CSMD1: variants seen among roughly 807,000 people sequenced by gnomAD.
CSMD1 encodes the protein CUB and Sushi multiple domains 1, also known as CUB and sushi domain-containing protein 1.
CSMD1 carries 213 observed loss-of-function variants against 417.5 expected under a neutral mutation model. That is an observed-to-expected ratio of 0.51 (90% CI 0.46 to 0.57). The LOEUF is 0.57. Ranked by LOEUF, CSMD1 falls within the 20% of genes least tolerant of loss-of-function variation. CSMD1 has a pLI of 0.00. For synonymous variants in CSMD1, 2,862 were observed against 1,736.8 expected, an observed-to-expected ratio of 1.65 and a Z score of -16.11; for missense variants, 6,923 against 4,529.7, an observed-to-expected ratio of 1.53 and a Z score of -15.17.
At chr8:3,887,418 G>T (rs888122294) in intron 5 of CSMD1, among the ~76,000 whole-genome samples, 3 of 152,190 alleles carry the variant, frequency 2.0e-5, no homozygotes, top group South Asian at 4.1e-4. Flanking sequence ...TGTCTGAAAT[G>T]TATGGACAAA....
chr8:3,746,348 A>C (rs2129051839), intron 6 of CSMD1, among the ~76,000 whole-genome samples: 1 of 152,340 alleles, frequency 6.6e-6, no homozygotes, highest in African/African-American at 2.4e-5. Flanking sequence ...CCAAGTATTA[A>C]TCTGTTTTAA....
chr8:4,817,131 A>G (rs1030388749), intron 1 of CSMD1, among the ~76,000 whole-genome samples: 1 of 152,226 alleles, frequency 6.6e-6, no homozygotes, highest in Admixed American at 6.5e-5. Context: ...ATATAAATAC[A>G]TATCATAATA....
At chr8:4,549,872 G>C (rs1337797161) in intron 2 of CSMD1, among the ~76,000 whole-genome samples, 3 of 114,624 alleles carry the variant, frequency 2.6e-5, no homozygotes, top group Non-Finnish European at 4.9e-5. Context: ...ACTCCAGCCA[G>C]AGTGACAATC....
At chr8:3,722,609 GA>G (rs1202680832) in intron 6 of CSMD1, among the ~76,000 whole-genome samples, 1 of 152,068 alleles carries the variant, frequency 6.6e-6, no homozygotes, top group Non-Finnish European at 1.5e-5. Flanking sequence ...ACCCTGGTGG[GA>G]AAAGTCCCCA....
In CSMD1 at chr8:4,117,323, C is replaced by T. The variant is rs183409448; in HGVS notation, c.416-85224G>A. 3.3e-3 allele frequency among the ~76,000 whole-genome samples: 503 copies of T among 151,956 alleles called. 3 individuals are homozygous for T. The highest frequency in any genetic ancestry group is 0.012 in the African/African-American group (478 of 41,468). On this transcript the variant is annotated intron_variant, in intron 3 of 69. Transcript: ENST00000635120. ...TGGTGGGATCCTCCTTATACATCAC[C>T]GTCTGCCTGTACCAACACTGTCATC...
rs1313491230 is a variant in CSMD1, at chr8:4,266,425, TTATAA to T, written c.415+153523_415+153527del. ...TTTTATGTGTAATAATGTGATTTCA[TTATAA>T]TATGTTAGGTTATATTGATGATTGG... is the stretch of plus-strand genomic sequence containing the variant. On this transcript the variant is annotated intron_variant, in intron 3 of 69. Transcript: ENST00000635120. Among the ~76,000 whole-genome samples, 4 of 105,238 alleles carry T rather than the reference TTATAA, an allele frequency of 3.8e-5. 2 individuals carry two copies. The highest frequency in any genetic ancestry group is 1.0e-4 in the Non-Finnish European group (4 of 39,112). 69.0% of individuals were successfully genotyped at this position (105,238 alleles called of 152,430 possible). A position where few individuals can be genotyped will look rare whatever the true frequency, so the allele number is the denominator to read the frequency against.
At chr8:3,225,817 C>T (rs1798469864) in intron 27 of CSMD1, among the ~76,000 whole-genome samples, 1 of 152,184 alleles carries the variant, frequency 6.6e-6, no homozygotes, top group African/African-American at 2.4e-5. Context: ...TGGTATTCTT[C>T]AAGTTAGTTT....
chr8:3,633,052 C>A (rs1313573395), intron 7 of CSMD1, among the ~76,000 whole-genome samples: 1 of 152,222 alleles, frequency 6.6e-6, no homozygotes. Context: ...GTGTTAGAGT[C>A]TGCCCTGTTG....
intron 2 of CSMD1, among the ~76,000 whole-genome samples, chr8:4,465,629 G>A (rs1800120019): frequency 6.6e-6 from 1 of 152,200 alleles, no homozygotes; most frequent in Non-Finnish European, 1.5e-5. Context: ...TAAGGCCTCA[G>A]TAGAACAAGA....
At chr8:4,112,572 G>T (rs536161028) in intron 3 of CSMD1, among the ~76,000 whole-genome samples, 2 of 152,092 alleles carry the variant, frequency 1.3e-5, no homozygotes, top group Non-Finnish European at 2.9e-5. Context: ...CCCTCTTCTG[G>T]GGAGGCTGAC....
At chr8:3,997,814 C>T in intron 5 of CSMD1, 89 bp downstream of exon 5, 2 of 1,220,746 alleles carry the variant, frequency 1.6e-6, no homozygotes, top group Non-Finnish European at 2.3e-6. Context: ...CCATGAACGT[C>T]CAGAGACAAG....
At chr8:3,848,492 A>G (rs77593353) in intron 5 of CSMD1, among the ~76,000 whole-genome samples, 3,195 of 144,912 alleles carry the variant, frequency 0.022, 117 homozygotes, top group African/African-American at 0.078. Flanking sequence ...ATCTGGATTT[A>G]TACTTTCCGA....
At chr8:4,345,961 A>G (rs1800756851) in intron 3 of CSMD1, among the ~76,000 whole-genome samples, 1 of 152,162 alleles carries the variant, frequency 6.6e-6, no homozygotes, top group Non-Finnish European at 1.5e-5. Context: ...TACGCTCTTC[A>G]TACTGACTAG....
chr8:4,368,277 G>T lies in CSMD1; in HGVS notation c.415+51676C>A, dbSNP rs568438720. The stretch of plus-strand genomic sequence containing the variant: ...TGTGGCTTTTTTGTTCTGTGTATAT[G>T]GTGAATCACATTTATTGATATGTGT... On this transcript the variant is annotated intron_variant, in intron 3 of 69. Coordinates refer to ENST00000635120, the MANE Select transcript of CSMD1 (RefSeq NM_033225.6). Among the ~76,000 whole-genome samples, 445 of 152,156 alleles carry T rather than the reference G, an allele frequency of 2.9e-3. 3 individuals are homozygous for T. Among genetic ancestry groups the T allele is most frequent in the African/African-American group, 9.8e-3 (406 of 41,542 alleles).
intron 3 of CSMD1, among the ~76,000 whole-genome samples, chr8:4,121,196 C>A (rs1330488950): frequency 6.6e-6 from 1 of 152,050 alleles, no homozygotes; most frequent in Admixed American, 6.5e-5. Context: ...CTCACAGCAA[C>A]CTCTGCCTCT....
intron 11 of CSMD1, among the ~76,000 whole-genome samples, chr8:3,474,946 T>C (rs1215293459): frequency 6.6e-6 from 1 of 152,202 alleles, no homozygotes; most frequent in South Asian, 2.1e-4. Flanking sequence ...GCCATCATAT[T>C]GTAGCTGCCT....
At chr8:4,540,828 G>A (rs1379991804) in intron 2 of CSMD1, among the ~76,000 whole-genome samples, 2 of 151,886 alleles carry the variant, frequency 1.3e-5, no homozygotes, top group African/African-American at 2.4e-5. Flanking sequence ...TAAAACTGAG[G>A]CAAAAAAAGG....
intron 25 of CSMD1, among the ~76,000 whole-genome samples, chr8:3,285,499 G>A (rs1052378169): frequency 1.3e-5 from 2 of 151,440 alleles, no homozygotes; most frequent in African/African-American, 4.9e-5. Context: ...TGATTCTCCT[G>A]CCTCAGCCTC....
In CSMD1 at chr8:3,819,975, C is replaced by T. The variant is rs546486400; in HGVS notation, c.819-65933G>A. 3.3e-5 allele frequency among the ~76,000 whole-genome samples: 5 copies of T among 152,256 alleles called. No homozygotes were observed. The East Asian group carries it at 9.7e-4, about 29-fold the overall frequency. On this transcript the variant is annotated intron_variant, in intron 5 of 69. Coordinates refer to ENST00000635120, the MANE Select transcript of CSMD1 (RefSeq NM_033225.6). ...AATTCATCGTTTCCCGAATTGCTGT[C>T]CCCAGACTTGAATCCCTTCAGCGTA... is the stretch of plus-strand genomic sequence containing the variant.
Sources: allele counts gnomAD v4.1 joint callset (sites outside exome capture counted in the v4.1 genomes callset), GRCh38; gene constraint gnomAD v4.1.1; transcripts MANE v1.5; gene names NCBI Gene and HGNC (gene_info 2026-07-23, HGNC 2026-07-21).